Variants in CMKLR2 observed in about 807,000 individuals in gnomAD.
CMKLR2 encodes chemerin chemokine-like receptor 2, also known as chemerin-like receptor 2.
In CMKLR2, 18 loss-of-function variants were observed where a neutral mutation model predicts 23.0. The observed-to-expected ratio is 0.78, with a 90% confidence interval of 0.54 to 1.16. The LOEUF (loss-of-function observed/expected upper bound fraction) is 1.16. Among genes scored for constraint, CMKLR2 ranks in the 50% most tolerant of loss-of-function variants. The probability of loss-of-function intolerance (pLI) is 0.00; values close to 1 mark genes in which losing one functional copy is unlikely to be tolerated. For missense variants in CMKLR2, 401 were observed against 412.7 expected, an observed-to-expected ratio of 0.97 and a Z score of 0.25; for synonymous variants, 158 against 158.9, an observed-to-expected ratio of 0.99 and a Z score of 0.05.
chr2:206,210,688 C>G (rs531917148), intron 1 of CMKLR2, among the ~76,000 whole-genome samples: 1 of 151,946 alleles, frequency 6.6e-6, no homozygotes, highest in Non-Finnish European at 1.5e-5. Flanking sequence ...CTCAAACTCC[C>G]GAACTCAGGT....
intron 1 of CMKLR2, among the ~76,000 whole-genome samples, chr2:206,200,740 G>A (rs1341444840): frequency 2.0e-5 from 3 of 152,198 alleles, no homozygotes; most frequent in Admixed American, 6.5e-5. Flanking sequence ...TGGGATTACA[G>A]GCATGTGCCA....
chr2:206,194,571 C>T (rs1688857393), intron 1 of CMKLR2, among the ~76,000 whole-genome samples: 1 of 148,732 alleles, frequency 6.7e-6, no homozygotes, highest in African/African-American at 2.5e-5. Context: ...AGTTCTCATG[C>T]CTCAGTCTCC....
chr2:206,207,532 T>C (rs542425392), intron 1 of CMKLR2, among the ~76,000 whole-genome samples: 1 of 152,188 alleles, frequency 6.6e-6, no homozygotes, highest in Non-Finnish European at 1.5e-5. Flanking sequence ...TTAACACATA[T>C]AGTAATACTC....
intron 1 of CMKLR2, among the ~76,000 whole-genome samples, chr2:206,192,341 TATAAA>T (rs1688779293): frequency 6.7e-6 from 1 of 149,798 alleles, no homozygotes. Flanking sequence ...TATTTTATTT[TATAAA>T]ATAAATTTTA....
intron 1 of CMKLR2, among the ~76,000 whole-genome samples, chr2:206,178,163 G>T (rs1046759884): frequency 6.6e-6 from 1 of 152,098 alleles, no homozygotes; most frequent in African/African-American, 2.4e-5. Context: ...TACTCAGGAG[G>T]CCAAGGCAAG....
intron 1 of CMKLR2, 41 bp from the exon 2 acceptor site, chr2:206,177,316 GA>G: frequency 1.0e-6 from 1 of 976,814 alleles, no homozygotes; most frequent in Non-Finnish European, 1.5e-6. Context: ...AATTTTAAAA[GA>G]AAAATAAAAG....
intron 1 of CMKLR2, among the ~76,000 whole-genome samples, chr2:206,211,867 G>T (rs1332796893): frequency 3.2e-5 from 4 of 125,904 alleles, no homozygotes; most frequent in Non-Finnish European, 4.8e-5. Flanking sequence ...GTTAGGTTCT[G>T]GTTGCCCAGG....
chr2:206,203,928 C>T (rs1009093599), intron 1 of CMKLR2: 1 of 152,168 alleles, frequency 6.6e-6, no homozygotes, highest in Non-Finnish European at 1.5e-5. Flanking sequence ...GCTCCTGTTC[C>T]TTCATCGATG....
At chr2:206,188,121 A>G (rs1463753335) in intron 1 of CMKLR2, among the ~76,000 whole-genome samples, 6 of 152,056 alleles carry the variant, frequency 3.9e-5, no homozygotes, top group African/African-American at 7.3e-5. Flanking sequence ...TTTAGTAGAG[A>G]CAAGGTTTTG....
chr2:206,175,352 G>A lies in CMKLR2; in HGVS notation c.*828C>T, dbSNP rs971951498. ...CCAACAATTACTTTAATTCATAAAT[G>A]TATATACATAGATTACATAAAGAAA... On this transcript the variant is annotated 3_prime_UTR_variant, in exon 2 of 2. Coordinates refer to ENST00000621141, the MANE Select transcript of CMKLR2 (RefSeq NM_001389445.1). 5.3e-5 allele frequency: 8 copies of A among 152,112 alleles called. No homozygotes were observed. Among genetic ancestry groups the A allele is most frequent in the African/African-American group, 1.2e-4 (5 of 41,420 alleles). The allele number at this position is 152,112 out of a possible 1,614,324, so 9.4% of individuals were successfully genotyped here. A position where few individuals can be genotyped will look rare whatever the true frequency, so the allele number is the denominator to read the frequency against.
intron 1 of CMKLR2, among the ~76,000 whole-genome samples, chr2:206,207,905 G>C (rs1471924483): frequency 2.0e-5 from 3 of 151,672 alleles, no homozygotes; most frequent in Non-Finnish European, 4.4e-5. Flanking sequence ...ACCATGCTCA[G>C]CTAATTTTGT....
At chr2:206,202,329 G>A (rs1689124585) in intron 1 of CMKLR2, among the ~76,000 whole-genome samples, 1 of 152,160 alleles carries the variant, frequency 6.6e-6, no homozygotes, top group Non-Finnish European at 1.5e-5. Flanking sequence ...TTGAAGGGAT[G>A]GGGTGACATG....
chr2:206,206,975 C>T (rs1689348306), intron 1 of CMKLR2, among the ~76,000 whole-genome samples: 1 of 135,938 alleles, frequency 7.4e-6, no homozygotes, highest in African/African-American at 2.8e-5. Flanking sequence ...CGTAGAAAAG[C>T]CAGCCTCACT....
intron 1 of CMKLR2, among the ~76,000 whole-genome samples, chr2:206,179,356 T>C (rs1688335210): frequency 6.8e-6 from 1 of 147,440 alleles, no homozygotes; most frequent in South Asian, 2.1e-4. Flanking sequence ...ATTACAGGCA[T>C]GAGCCACCGC....
rs746850533 is a variant in CMKLR2 at position 206,176,301 on chromosome 2, CGG to C, written c.945_946del (p.Phe315LeufsTer6). ...CTTGAGTATCTCAGCAACTGAGGAC[CGG>C]AAGCGAGCTTGGAACTTCTTACTAA... On this transcript the variant is annotated frameshift_variant, in exon 2 of 2. Coordinates refer to ENST00000621141, the MANE Select transcript of CMKLR2 (RefSeq NM_001389445.1). LOFTEE classifies it high-confidence loss of function. 1 of 1,614,110 alleles carries C rather than the reference CGG, an allele frequency of 6.2e-7. No homozygotes were observed. Among genetic ancestry groups the C allele is most frequent in the South Asian group, 1.1e-5 (1 of 91,080 alleles).
upstream of CMKLR2, among the ~76,000 whole-genome samples, chr2:206,216,156 T>A (rs892166568): frequency 1.3e-4 from 20 of 152,262 alleles, no homozygotes; most frequent in African/African-American, 4.8e-4. Flanking sequence ...TTTTTATTTT[T>A]AAAAATAGAG....
At chr2:206,185,839 T>C (rs188582080) in intron 1 of CMKLR2, among the ~76,000 whole-genome samples, 1 of 152,282 alleles carries the variant, frequency 6.6e-6, no homozygotes, top group Admixed American at 6.5e-5. Flanking sequence ...CCCCCAGACT[T>C]TGGAGCCTTC....
chr2:206,199,036 G>A (rs1252271866), intron 1 of CMKLR2, among the ~76,000 whole-genome samples: 3 of 152,212 alleles, frequency 2.0e-5, no homozygotes, highest in Non-Finnish European at 2.9e-5. Flanking sequence ...TAACTAGAAT[G>A]TAGGGAGAGA....
intron 1 of CMKLR2, among the ~76,000 whole-genome samples, chr2:206,183,697 G>A (rs1376364622): frequency 6.6e-6 from 1 of 152,126 alleles, no homozygotes; most frequent in Non-Finnish European, 1.5e-5. Flanking sequence ...AGATGTTTTT[G>A]TTTGATGATG....
Sources: allele counts gnomAD v4.1 joint callset (sites outside exome capture counted in the v4.1 genomes callset), GRCh38; gene constraint gnomAD v4.1.1; transcripts MANE v1.5; gene names NCBI Gene and HGNC (gene_info 2026-07-23, HGNC 2026-07-21).